The following PSMD1 variants were observed in gnomAD, a reference collection of about 807,000 sequenced individuals.
PSMD1 encodes proteasome 26S subunit, non-ATPase 1.
In PSMD1, 18 loss-of-function variants were observed where a neutral mutation model predicts 119.0. The observed-to-expected ratio is 0.15, with a 90% CI of 0.10 to 0.22. PSMD1 has a LOEUF of 0.22. Ranked by LOEUF, PSMD1 falls within the 10% of genes least tolerant of loss-of-function variation. The pLI, the probability that PSMD1 is intolerant of heterozygous loss-of-function variation, is 1.00. For synonymous variants in PSMD1, 374 were observed against 396.6 expected, an observed-to-expected ratio of 0.94 and a Z score of 0.68; for missense variants, 702 against 1,158.5, an observed-to-expected ratio of 0.61 and a Z score of 5.72.
intron 16 of PSMD1, chr2:231,123,690 G>A (rs752517264): frequency 1.1e-5 from 17 of 1,613,890 alleles, no homozygotes; most frequent in African/African-American, 2.7e-5. Flanking sequence ...AAGAGATAAC[G>A]TGAACAAAGG....
chr2:231,064,611 TC>T (rs1431482365), intron 4 of PSMD1, among the ~76,000 whole-genome samples: 4 of 152,244 alleles, frequency 2.6e-5, no homozygotes, highest in African/African-American at 9.6e-5. Flanking sequence ...GTGGACATTT[TC>T]AACAACTGGA....
At chr2:231,060,103 G>T (rs530746371) in intron 1 of PSMD1, among the ~76,000 whole-genome samples, 2 of 152,302 alleles carry the variant, frequency 1.3e-5, no homozygotes, top group South Asian at 2.1e-4. Flanking sequence ...ATTCTGGCCT[G>T]TCATCTTACT....
chr2:231,101,696 A>G lies in PSMD1; in HGVS notation c.1883+14515A>G, dbSNP rs867167407. Among the ~76,000 whole-genome samples, 3 of 152,188 alleles carry G rather than the reference A, an allele frequency of 2.0e-5. 1 individual carries two copies. Among genetic ancestry groups the G allele is most frequent in the South Asian group, 4.1e-4 (2 of 4,830 alleles). On this transcript the variant is annotated intron_variant, in intron 16 of 24. Coordinates refer to ENST00000308696, the MANE Select transcript of PSMD1 (RefSeq NM_002807.4). ...AATTGCCACACCCACCCCAGCTTTCAGCAACCACCACCCTGATCAGTCAGA... is the reference window on the plus strand; with the variant it reads ...AATTGCCACACCCACCCCAGCTTTCGGCAACCACCACCCTGATCAGTCAGA...
intron 19 of PSMD1, among the ~76,000 whole-genome samples, chr2:231,156,915 C>G (rs1220903434): frequency 1.3e-5 from 2 of 152,158 alleles, no homozygotes; most frequent in Non-Finnish European, 2.9e-5. Context: ...ATCTCCTGAA[C>G]TTACTACTTA....
At chr2:231,065,626 A>G (rs1693893221) in intron 4 of PSMD1, among the ~76,000 whole-genome samples, 1 of 152,134 alleles carries the variant, frequency 6.6e-6, no homozygotes, top group African/African-American at 2.4e-5. Context: ...TTCCTTATGA[A>G]GGTGGAAGGC....
intron 16 of PSMD1, among the ~76,000 whole-genome samples, chr2:231,095,439 A>G (rs912661305): frequency 3.0e-4 from 46 of 152,198 alleles, no homozygotes; most frequent in African/African-American, 1.0e-3. Flanking sequence ...TTAGCTGTGT[A>G]TTCTTTATGA....
At chr2:231,087,480 CTCT>C (rs550476534) in intron 16 of PSMD1, among the ~76,000 whole-genome samples, 131 of 152,272 alleles carry the variant, frequency 8.6e-4, no homozygotes, top group African/African-American at 2.9e-3. Context: ...TCCAGTACTC[CTCT>C]TCTTGTATAT....
At chr2:231,172,477 G>A (rs1320781646) in intron 24 of PSMD1, 58 bp from the exon 25 acceptor site, 1 of 152,182 alleles carries the variant, frequency 6.6e-6, no homozygotes. Context: ...GGAAAAAAAA[G>A]AATGTCTTGA....
At chr2:231,113,732 T>C (rs1230989946) in intron 16 of PSMD1, 6 of 1,613,430 alleles carry the variant, frequency 3.7e-6, no homozygotes, top group Non-Finnish European at 5.1e-6. Context: ...TACATACCTA[T>C]TGAAATTAAC....
intron 16 of PSMD1, chr2:231,109,346 G>A: frequency 6.2e-7 from 1 of 1,614,090 alleles, no homozygotes; most frequent in South Asian, 1.1e-5. Context: ...CAGCACACAA[G>A]TGATATTGTT....
chr2:231,166,041 T>C, intron 23 of PSMD1, 24 bp downstream of exon 23: 2 of 1,578,884 alleles, frequency 1.3e-6, no homozygotes, highest in African/African-American at 1.4e-5. Flanking sequence ...GACTCTTAGC[T>C]GTATATACCA....
At chr2:231,062,708 T>G in intron 4 of PSMD1, 33 bp downstream of exon 4, 7 of 1,483,052 alleles carry the variant, frequency 4.7e-6, no homozygotes, top group Non-Finnish European at 6.3e-6. Context: ...GGCTTTATCT[T>G]GTCGGCTTCT....
intron 16 of PSMD1, among the ~76,000 whole-genome samples, chr2:231,095,254 G>C (rs1280543504): frequency 2.6e-5 from 4 of 152,206 alleles, no homozygotes; most frequent in Non-Finnish European, 1.5e-5. Context: ...CATGCCCAAG[G>C]TGGGACGAAG....
intron 16 of PSMD1, among the ~76,000 whole-genome samples, chr2:231,110,605 T>G (rs1695125681): frequency 6.6e-6 from 1 of 152,216 alleles, no homozygotes; most frequent in Non-Finnish European, 1.5e-5. Context: ...AAAGAGCCAT[T>G]GACAAGAATA....
intron 12 of PSMD1, among the ~76,000 whole-genome samples, chr2:231,081,338 G>A (rs1387102064): frequency 6.6e-6 from 1 of 151,898 alleles, no homozygotes; most frequent in Non-Finnish European, 1.5e-5. Flanking sequence ...AACAGCAATA[G>A]ACAGCATTAA....
chr2:231,158,903 C>A (rs1269626719), intron 19 of PSMD1, among the ~76,000 whole-genome samples: 1 of 151,982 alleles, frequency 6.6e-6, no homozygotes. Flanking sequence ...TAATTCATTT[C>A]TATTGGAAAA....
At chr2:231,102,950 G>T (rs1199312273) in intron 16 of PSMD1, among the ~76,000 whole-genome samples, 1 of 152,168 alleles carries the variant, frequency 6.6e-6, no homozygotes, top group East Asian at 1.9e-4. Context: ...TTGCTAAAGT[G>T]CATGTTAGAT....
chr2:231,170,987 G>C lies in PSMD1; in HGVS notation c.*9+266G>C, dbSNP rs932816208. Among the ~76,000 whole-genome samples the C allele has an allele frequency of 6.6e-6, 1 of 152,298 alleles. No homozygotes were observed. The highest frequency in any genetic ancestry group is 1.5e-5 in the Non-Finnish European group (1 of 68,022). Reference sequence around the variant, plus strand: ...TTATAGGTCCATAAGGAGATAGGAAGCTTACTCCAGAATCTGTCTGCTCAA... The same window carrying C: ...TTATAGGTCCATAAGGAGATAGGAACCTTACTCCAGAATCTGTCTGCTCAA... On this transcript the variant is annotated intron_variant, in intron 24 of 24. Coordinates refer to ENST00000308696, the MANE Select transcript of PSMD1 (RefSeq NM_002807.4). This position sits in a 1 kb window ranked among gnomAD's most constrained non-coding sequence, Gnocchi z 4.1.
At chr2:231,067,240 A>G (rs1574704626) in intron 5 of PSMD1, 129 bp downstream of exon 5, 3 of 676,018 alleles carry the variant, frequency 4.4e-6, no homozygotes, top group South Asian at 4.6e-5. Flanking sequence ...TCTTTTGCCA[A>G]ATATTTTATT....
Sources: allele counts gnomAD v4.1 joint callset (sites outside exome capture counted in the v4.1 genomes callset), GRCh38; gene constraint gnomAD v4.1.1; non-coding constraint Gnocchi (gnomAD v3.1); transcripts MANE v1.5; gene names NCBI Gene and HGNC (gene_info 2026-07-23, HGNC 2026-07-21).